The following CRTC1 variants were observed in gnomAD, a reference collection of about 807,000 sequenced individuals.
The protein encoded by CRTC1 is CREB regulated transcription coactivator 1, also known as CREB-regulated transcription coactivator 1.
A neutral mutation model predicts 66.1 loss-of-function variants in CRTC1; 18 were observed. The observed-to-expected ratio is 0.27, with a 90% CI of 0.19 to 0.40. The LOEUF (loss-of-function observed/expected upper bound fraction) is 0.40. Among genes scored for constraint, CRTC1 ranks in the 10% least tolerant of loss-of-function variants. CRTC1 has a pLI of 1.00. For synonymous variants in CRTC1, 416 were observed against 398.8 expected (o/e 1.04, Z -0.51); for missense variants, 669 against 887.9 (o/e 0.75, Z 3.13).
At chr19:18,702,307 T>C (rs1046656257) in intron 1 of CRTC1, among the ~76,000 whole-genome samples, 1 of 151,686 alleles carries the variant, frequency 6.6e-6, no homozygotes, top group Non-Finnish European at 1.5e-5. Context: ...GTAGCCTCAA[T>C]TTCCTGGGCT....
chr19:18,700,375 A>G (rs1176449688), intron 1 of CRTC1, among the ~76,000 whole-genome samples: 1 of 152,048 alleles, frequency 6.6e-6, no homozygotes, highest in East Asian at 1.9e-4. Flanking sequence ...CAGCCCAGAG[A>G]CCACCACGGT....
Position 18,780,169 on chromosome 19 carries a change from G to A in CRTC1, c.*2787G>A, listed in dbSNP as rs960206015. 4.3e-5 allele frequency: 10 copies of A among 231,726 alleles called. No individual in the cohort carries two copies. The highest frequency in any genetic ancestry group is 2.4e-4 in the East Asian group (4 of 16,418). 14.4% of individuals were successfully genotyped at this position (231,726 alleles called of 1,614,324 possible). On this transcript the variant is annotated 3_prime_UTR_variant, in exon 14 of 14. Transcript: ENST00000321949. The stretch of plus-strand genomic sequence containing the variant: ...GTTGCGCCGTGTACATAGACCCGCC[G>A]TCTGTGTCCTTGGTCAGGCCCGGAT...
intron 2 of CRTC1, 52 bp from the exon 3 acceptor site, chr19:18,745,771 G>GTA: frequency 6.2e-7 from 1 of 1,610,156 alleles, no homozygotes; most frequent in Non-Finnish European, 8.5e-7. Flanking sequence ...GCCACAGCTG[G>GTA]TAACCATTGT....
intron 1 of CRTC1, among the ~76,000 whole-genome samples, chr19:18,704,102 G>A (rs2053207113): frequency 6.6e-6 from 1 of 152,186 alleles, no homozygotes; most frequent in Non-Finnish European, 1.5e-5. Flanking sequence ...CAGAAGTGAA[G>A]TGCTCGTTTT....
intron 1 of CRTC1, among the ~76,000 whole-genome samples, chr19:18,705,217 G>T (rs1462588320): frequency 6.6e-6 from 1 of 152,120 alleles, no homozygotes. Flanking sequence ...TTTGGCTATT[G>T]TGCGTAGTGC....
intron 1 of CRTC1, among the ~76,000 whole-genome samples, chr19:18,698,679 A>G (rs570268619): frequency 1.1e-4 from 17 of 151,898 alleles, no homozygotes; most frequent in Non-Finnish European, 2.4e-4. Flanking sequence ...CAGCACATGC[A>G]CAGTGTGTAC....
chr19:18,758,407 G>A (rs1039424820), intron 6 of CRTC1, among the ~76,000 whole-genome samples: 2 of 151,420 alleles, frequency 1.3e-5, no homozygotes, highest in African/African-American at 2.4e-5. Flanking sequence ...AGCCCTTCCC[G>A]AGACCCTGAA....
intron 1 of CRTC1, among the ~76,000 whole-genome samples, chr19:18,691,667 G>T (rs1308005900): frequency 6.6e-6 from 1 of 152,050 alleles, no homozygotes; most frequent in Non-Finnish European, 1.5e-5. Flanking sequence ...GGATAGGAAG[G>T]GTCTTCCCCT....
rs377279164 is a variant in CRTC1, at chr19:18,768,817, G to A, written c.1320+24G>A. On this transcript the variant is annotated intron_variant, in intron 10 of 13. Coordinates refer to ENST00000321949, the MANE Select transcript of CRTC1 (RefSeq NM_015321.3). The surrounding 1 kb of genome is among the most constrained non-coding windows in gnomAD (Gnocchi z 5.6). ...CGGTAAGCCCAGGGTGGGGTCCCTC[G>A]GGGCCTGACTGGGGGTCTTGTAGAG... 71 of 1,576,540 alleles carry A rather than the reference G, an allele frequency of 4.5e-5. 1 individual carries two copies. The East Asian group carries it at 5.1e-4, about 11-fold the overall frequency.
At position 18,747,204 on chromosome 19, in the gene CRTC1, A is replaced by G. The variant is rs910797255; in HGVS notation, c.443+90A>G. The G allele has an allele frequency of 4.2e-5, 43 of 1,016,780 alleles. No homozygotes were observed. In the South Asian group the frequency reaches 5.1e-4, roughly 12 times the overall value. 63.0% of individuals were successfully genotyped at this position (1,016,780 alleles called of 1,614,324 possible). A position where few individuals can be genotyped will look rare whatever the true frequency, so the allele number is the denominator to read the frequency against. On this transcript the variant is annotated intron_variant, in intron 4 of 13. Coordinates refer to ENST00000321949, the MANE Select transcript of CRTC1 (RefSeq NM_015321.3). ...GGTTACATGTGGAAAAGCAGGACAC[A>G]GTCGCTTAAACAATGACCAAACTAA...
At chr19:18,726,048 G>A (rs892635970) in intron 1 of CRTC1, among the ~76,000 whole-genome samples, 2 of 152,250 alleles carry the variant, frequency 1.3e-5, no homozygotes, top group African/African-American at 4.8e-5. Context: ...CTTCTCTGGA[G>A]TTGAGGCCGG....
In CRTC1 at chr19:18,716,977, C is replaced by T. The variant is rs373071440; in HGVS notation, c.127-25933C>T. 7.0e-4 allele frequency among the ~76,000 whole-genome samples: 102 copies of T among 146,314 alleles called. 1 individual carries two copies. In the South Asian group the frequency reaches 0.021, roughly 30 times the overall value. ...AGTGGGAGCTGGCGTGCAGGCAGGACAGGAGTGCAGGCAGGACAGGAGTGT... is the reference window on the plus strand; with the variant it reads ...AGTGGGAGCTGGCGTGCAGGCAGGATAGGAGTGCAGGCAGGACAGGAGTGT... On this transcript the variant is annotated intron_variant, in intron 1 of 13. Transcript: ENST00000321949.
rs1825634683 is a variant in CRTC1 at position 18,693,830 on chromosome 19, A to G, written c.126+10002A>G. Among the ~76,000 whole-genome samples, 4 of 151,660 alleles carry G rather than the reference A, an allele frequency of 2.6e-5. No homozygotes were observed. The South Asian group carries it at 8.4e-4, about 32-fold the overall frequency. On this transcript the variant is annotated intron_variant, in intron 1 of 13. Transcript: ENST00000321949. ...ACACTGATGTACTCTGTTTTGTTCT[A>G]ATATGAAAATTAGCCTGGGCTGGGT...
At chr19:18,698,259 T>C (rs1471341791) in intron 1 of CRTC1, among the ~76,000 whole-genome samples, 3 of 149,996 alleles carry the variant, frequency 2.0e-5, no homozygotes, top group African/African-American at 5.0e-5. Context: ...AGGCACAGTG[T>C]GTACTCAGCA....
intron 3 of CRTC1, 151 bp downstream of exon 3, chr19:18,746,111 G>A: frequency 8.7e-7 from 1 of 1,148,654 alleles, no homozygotes; most frequent in Non-Finnish European, 1.2e-6. Context: ...TTGATCTCAG[G>A]GCAGCCTGGG....
At position 18,775,625 on chromosome 19, in the gene CRTC1, G is replaced by A. The variant is rs1601025267; in HGVS notation, c.1513-16G>A. ...CCCGCGGTGGCCCTCACAGCCTGGT[G>A]TGCCTCCCTTCCCAGCTGGAGCAGT... On this transcript the variant is annotated splice_polypyrimidine_tract_variant and intron_variant, in intron 12 of 13. Transcript: ENST00000321949. The A allele has an allele frequency of 1.3e-6, 2 of 1,555,104 alleles. No individual in the cohort carries two copies. The highest frequency in any genetic ancestry group is 2.3e-5 in the East Asian group (1 of 43,350).
intron 12 of CRTC1, 110 bp downstream of exon 12, chr19:18,775,096 C>CCGTGCCTGCCCCT: frequency 9.5e-7 from 1 of 1,047,710 alleles, no homozygotes; most frequent in Admixed American, 2.0e-5. Flanking sequence ...CTCGGGGGGC[C>CCGTGCCTGCCCCT]CGTGCCTGCC....
In CRTC1 at chr19:18,775,837, G is replaced by T; in HGVS notation, c.1693+16G>T. 6.4e-7 allele frequency: 1 copy of T among 1,559,540 alleles called. No homozygotes were observed. Among genetic ancestry groups the T allele is most frequent in the South Asian group, 1.2e-5 (1 of 83,036 alleles). The stretch of plus-strand genomic sequence containing the variant: ...ATCCTCACAGGTGAGGCCAGGCCGG[G>T]GGCGCGTGTGCGGCGCCCCAAGGGG... On this transcript the variant is annotated intron_variant, in intron 13 of 13. Transcript: ENST00000321949.
At chr19:18,694,308 A>G (rs928749680) in intron 1 of CRTC1, among the ~76,000 whole-genome samples, 1 of 151,578 alleles carries the variant, frequency 6.6e-6, no homozygotes, top group African/African-American at 2.4e-5. Flanking sequence ...CAAAAAAAAA[A>G]AAAAAAAAAG....
Sources: allele counts gnomAD v4.1 joint callset (sites outside exome capture counted in the v4.1 genomes callset), GRCh38; gene constraint gnomAD v4.1.1; non-coding constraint Gnocchi (gnomAD v3.1); transcripts MANE v1.5; gene names NCBI Gene and HGNC (gene_info 2026-07-23, HGNC 2026-07-21).